The following NEBL variants were observed in gnomAD, a reference collection of about 807,000 sequenced individuals.
NEBL encodes the protein LIM and SH3 protein 2.
In NEBL, 122 loss-of-function variants were observed where a neutral mutation model predicts 140.2. That is an observed-to-expected ratio of 0.87 (90% CI 0.75 to 1.01). The LOEUF is 1.01. Ranked by LOEUF, NEBL falls within the 50% of genes least tolerant of loss-of-function variation. The probability of loss-of-function intolerance (pLI) is 0.00; values close to 1 mark genes in which losing one functional copy is unlikely to be tolerated. For synonymous variants in NEBL, 436 were observed against 398.9 expected (o/e 1.09, Z -1.11); for missense variants, 1,365 against 1,231.3 (o/e 1.11, Z -1.62).
chr10:21,008,320 G>A (rs1838212550), intron 3 of NEBL, among the ~76,000 whole-genome samples: 1 of 152,134 alleles, frequency 6.6e-6, no homozygotes. Flanking sequence ...AGTACAATAA[G>A]ATATTTCGAG....
upstream of NEBL, among the ~76,000 whole-genome samples, chr10:21,177,403 T>C (rs1841318301): frequency 6.6e-6 from 1 of 152,198 alleles, no homozygotes; most frequent in Non-Finnish European, 1.5e-5. Flanking sequence ...ATTTGGGGGA[T>C]TGTTTTGTTA....
intron 4 of NEBL, among the ~76,000 whole-genome samples, chr10:20,910,442 T>C (rs1295739230): frequency 2.0e-5 from 3 of 152,206 alleles, no homozygotes; most frequent in African/African-American, 4.8e-5. Context: ...ATGGCAGAAC[T>C]GTATTCTGTT....
intron 4 of NEBL, among the ~76,000 whole-genome samples, chr10:20,917,111 A>C (rs1040040236): frequency 4.6e-5 from 7 of 152,220 alleles, no homozygotes; most frequent in African/African-American, 1.7e-4. Context: ...GGTTTAGCCT[A>C]CTTATCCATG....
intron 2 of NEBL, chr10:21,125,859 G>C (rs113451828): frequency 6.2e-7 from 1 of 1,613,460 alleles, no homozygotes; most frequent in African/African-American, 1.3e-5. Flanking sequence ...TCTTAGATAC[G>C]TTGAACTTTT....
At chr10:21,209,769 G>C (rs1050461805) in intron 3 of NEBL, among the ~76,000 whole-genome samples, 3 of 150,124 alleles carry the variant, frequency 2.0e-5, no homozygotes, top group Admixed American at 6.8e-5. Flanking sequence ...ACACGTCAAA[G>C]ATGGAGAAAC....
In NEBL at chr10:21,173,943, G is replaced by T. The variant is rs1330360287; in HGVS notation, c.-110C>A. The T allele has an allele frequency of 7.2e-7, 1 of 1,392,470 alleles. No individual in the cohort carries two copies. The highest frequency in any genetic ancestry group is 3.6e-5 in the Admixed American group (1 of 27,906). The allele number at this position is 1,392,470 out of a possible 1,614,324, so 86.3% of individuals were successfully genotyped here. A position where few individuals can be genotyped will look rare whatever the true frequency, so the allele number is the denominator to read the frequency against. ...CTCCTGGCAGGCGGGAGGGCTGCGGGCGGCGGGCGCCGGGTAGGGAGTCGG... is the reference window on the plus strand; with the variant it reads ...CTCCTGGCAGGCGGGAGGGCTGCGGTCGGCGGGCGCCGGGTAGGGAGTCGG... On this transcript the variant is annotated 5_prime_UTR_variant, in exon 1 of 7. Transcript: ENST00000417816. The surrounding 1 kb of genome is among the most constrained non-coding windows in gnomAD (Gnocchi z 5.7).
intron 3 of NEBL, among the ~76,000 whole-genome samples, chr10:21,221,131 G>A (rs945279939): frequency 6.6e-6 from 1 of 152,146 alleles, no homozygotes; most frequent in African/African-American, 2.4e-5. Flanking sequence ...TCCAGCCTGG[G>A]TGACAGGGAG....
chr10:20,909,520 C>A (rs186838215), intron 4 of NEBL, among the ~76,000 whole-genome samples: 5 of 152,168 alleles, frequency 3.3e-5, no homozygotes, highest in Admixed American at 3.3e-4. Context: ...CCAAATAGAG[C>A]CTGCCTTTTC....
chr10:21,172,218 G>A, intron 2 of NEBL: 1 of 660,954 alleles, frequency 1.5e-6, no homozygotes, highest in South Asian at 1.7e-5. Context: ...AAAAAGCAGT[G>A]ATCGTCAACA....
chr10:20,954,841 T>C (rs58062029), intron 4 of NEBL, among the ~76,000 whole-genome samples: 286 of 152,002 alleles, frequency 1.9e-3, no homozygotes, highest in African/African-American at 6.2e-3. Context: ...TCTGAGCCAG[T>C]GTGGATGGGG....
intron 3 of NEBL, among the ~76,000 whole-genome samples, chr10:21,182,283 G>T (rs1841400479): frequency 6.6e-6 from 1 of 151,774 alleles, no homozygotes. Flanking sequence ...ACCAGCCTGG[G>T]CAACAAAGCA....
chr10:20,909,251 T>A (rs1848229299), intron 4 of NEBL, among the ~76,000 whole-genome samples: 2 of 152,056 alleles, frequency 1.3e-5, no homozygotes, highest in Admixed American at 6.6e-5. Context: ...ATTCTATTTT[T>A]TTTTTTTTTA....
At chr10:20,830,444 T>C (rs1840291919) in intron 16 of NEBL, among the ~76,000 whole-genome samples, 1 of 152,198 alleles carries the variant, frequency 6.6e-6, no homozygotes. Flanking sequence ...TAAATTCTTC[T>C]TCCATAAATT....
In NEBL at chr10:21,166,219, C is replaced by CAAAAA. The variant is rs1170225891; in HGVS notation, c.164+6159_164+6163dup. Among the ~76,000 whole-genome samples, 207 of 34,818 alleles carry CAAAAA rather than the reference C, an allele frequency of 5.9e-3. 1 individual carries two copies. The highest frequency in any genetic ancestry group is 0.01 in the Non-Finnish European group (162 of 15,772). 22.8% of individuals were successfully genotyped at this position (34,818 alleles called of 152,430 possible). Reference sequence around the variant, plus strand: ...TGGGCGACAGAGCGAGACTGTGTCTCAAAAAAAAAAAAAAAAAAAAAAAAA... The same window carrying CAAAAA: ...TGGGCGACAGAGCGAGACTGTGTCTCAAAAAAAAAAAAAAAAAAAAAAAAAAAAAA... On this transcript the variant is annotated intron_variant, in intron 2 of 6. Transcript: ENST00000417816.
At position 21,128,941 on chromosome 10, in the gene NEBL, T is replaced by C. The variant is rs894758636; in HGVS notation, c.164+43442A>G. Among the ~76,000 whole-genome samples the C allele has an allele frequency of 1.2e-4, 18 of 152,294 alleles. 1 individual carries two copies. In the East Asian group the frequency reaches 2.9e-3, roughly 24 times the overall value. ...CCGAATATCATATAAGCCACATGCA[T>C]ATAAACTAGAAACAACAAAGTTTCA... On this transcript the variant is annotated intron_variant, in intron 2 of 6. Coordinates refer to the NEBL transcript ENST00000417816.
chr10:21,170,749 A>G (rs1000564115), intron 2 of NEBL: 2 of 152,646 alleles, frequency 1.3e-5, no homozygotes, highest in Non-Finnish European at 2.9e-5. Context: ...GGAAAAACAC[A>G]TATTAAACAG....
At chr10:21,061,282 T>TGATATGTAACATATTACATATTATGG (rs1835271256) in intron 2 of NEBL, among the ~76,000 whole-genome samples, 1 of 148,078 alleles carries the variant, frequency 6.8e-6, no homozygotes, top group African/African-American at 2.4e-5. Flanking sequence ...ACATATTATG[T>TGATATGTAACATATTACATATTATGG]GATATGTAAC....
chr10:20,971,610 GA>G (rs1332288011), intron 3 of NEBL, among the ~76,000 whole-genome samples: 2 of 81,694 alleles, frequency 2.4e-5, no homozygotes, highest in East Asian at 1.0e-3. Flanking sequence ...CCCAACCCTA[GA>G]ATTTTTTTTT....
At chr10:21,202,907 G>T (rs1465920002) in intron 3 of NEBL, among the ~76,000 whole-genome samples, 1 of 152,096 alleles carries the variant, frequency 6.6e-6, no homozygotes, top group African/African-American at 2.4e-5. Flanking sequence ...TGTAAACCTG[G>T]AGCAGTTTAT....
Sources: gnomAD v4.1 joint callset for allele counts (sites outside exome capture counted in the v4.1 genomes callset) on GRCh38, gnomAD v4.1.1 for gene constraint, Gnocchi (gnomAD v3.1) non-coding constraint, MANE v1.5 for transcripts, NCBI Gene and HGNC (gene_info 2026-07-23, HGNC 2026-07-21) for gene names.